The following SKI variants were observed in gnomAD, a reference collection of about 807,000 sequenced individuals.
SKI encodes the protein SKI proto-oncogene.
Under a neutral mutation model 59.3 loss-of-function variants are expected in SKI, and 23 were observed. The observed-to-expected ratio is 0.39, with a 90% CI of 0.28 to 0.55. The LOEUF is 0.55. SKI is among the 20% of genes least tolerant of loss of function. The probability of loss-of-function intolerance (pLI) is 0.67; values close to 1 mark genes in which losing one functional copy is unlikely to be tolerated. For synonymous variants in SKI, 673 were observed against 488.6 expected (o/e 1.38, Z -4.98); for missense variants, 1,017 against 1,038.9 (o/e 0.98, Z 0.29).
At position 2,267,507 on chromosome 1, in the gene SKI, C is replaced by T. The variant is rs541867538; in HGVS notation, c.970-35471C>T. ...CAATATCCCATTCGTTCCAGAGCCTCCTTTCAGGGTGGAAGGGGTGGTGGA... is the reference window on the plus strand; with the variant it reads ...CAATATCCCATTCGTTCCAGAGCCTTCTTTCAGGGTGGAAGGGGTGGTGGA... On this transcript the variant is annotated intron_variant, in intron 1 of 6. Coordinates refer to ENST00000378536, the MANE Select transcript of SKI (RefSeq NM_003036.4). The surrounding 1 kb of genome is among the most constrained non-coding windows in gnomAD (Gnocchi z 4.1). Among the ~76,000 whole-genome samples, 6 of 152,298 alleles carry T rather than the reference C, an allele frequency of 3.9e-5. No individual in the cohort carries two copies. Among genetic ancestry groups the T allele is most frequent in the South Asian group, 2.1e-4 (1 of 4,820 alleles).
At chr1:2,245,687 G>A (rs796374897) in intron 1 of SKI, among the ~76,000 whole-genome samples, 2 of 151,868 alleles carry the variant, frequency 1.3e-5, no homozygotes, top group East Asian at 3.9e-4. Flanking sequence ...TGTTGGCCAG[G>A]CTAATCTTGA....
intron 1 of SKI, among the ~76,000 whole-genome samples, chr1:2,253,995 A>G (rs978416721): frequency 2.0e-5 from 3 of 152,206 alleles, no homozygotes; most frequent in Non-Finnish European, 4.4e-5. Context: ...GGCTGTGTGG[A>G]CCACGGCGGC....
At chr1:2,236,015 G>T (rs946755841) in intron 1 of SKI, among the ~76,000 whole-genome samples, 1 of 152,262 alleles carries the variant, frequency 6.6e-6, no homozygotes, top group Admixed American at 6.5e-5. Flanking sequence ...TTCGGTGCTT[G>T]GTGTTCGTGT....
chr1:2,235,686 C>G (rs1638737170), intron 1 of SKI, among the ~76,000 whole-genome samples: 1 of 152,184 alleles, frequency 6.6e-6, no homozygotes, highest in African/African-American at 2.4e-5. Context: ...TGGGGACATG[C>G]TGCCACATGA....
chr1:2,301,375 G>T (rs371624073), intron 1 of SKI, among the ~76,000 whole-genome samples: 50 of 152,368 alleles, frequency 3.3e-4, no homozygotes, highest in African/African-American at 1.2e-3. Flanking sequence ...ACAGCCGTGA[G>T]CCTTCAGGGG....
chr1:2,257,715 A>G (rs1403762234), intron 1 of SKI, among the ~76,000 whole-genome samples: 3 of 151,970 alleles, frequency 2.0e-5, no homozygotes, highest in Non-Finnish European at 4.4e-5. Flanking sequence ...AAAGATTTTT[A>G]TATTTTATAT....
chr1:2,287,161 A>G (rs1640056618), intron 1 of SKI, among the ~76,000 whole-genome samples: 2 of 151,962 alleles, frequency 1.3e-5, no homozygotes, highest in African/African-American at 2.4e-5. Context: ...GCCCTGGCCC[A>G]GGGTGCACCT....
chr1:2,289,267 G>C (rs1406128069), intron 1 of SKI, among the ~76,000 whole-genome samples: 2 of 152,192 alleles, frequency 1.3e-5, no homozygotes. Flanking sequence ...CTCTCTGTCA[G>C]GACTTGACAC....
chr1:2,290,335 G>A (rs1191977748), intron 1 of SKI, among the ~76,000 whole-genome samples: 1 of 152,196 alleles, frequency 6.6e-6, no homozygotes, highest in South Asian at 2.1e-4. Flanking sequence ...CAGTGTGGAT[G>A]TGAGCTGATT....
chr1:2,275,284 T>C (rs982787377), intron 1 of SKI, among the ~76,000 whole-genome samples: 2 of 152,198 alleles, frequency 1.3e-5, no homozygotes, highest in Non-Finnish European at 2.9e-5. Flanking sequence ...CCACGGCGGC[T>C]CCTTTCTGTT....
intron 1 of SKI, among the ~76,000 whole-genome samples, chr1:2,232,054 C>T (rs1638650737): frequency 6.6e-6 from 1 of 152,252 alleles, no homozygotes; most frequent in South Asian, 2.1e-4. Context: ...AGTGCCCAGA[C>T]CCTACTTGTC....
chr1:2,264,818 C>T (rs1639465457), intron 1 of SKI, among the ~76,000 whole-genome samples: 1 of 151,330 alleles, frequency 6.6e-6, no homozygotes, highest in Non-Finnish European at 1.5e-5. Context: ...TCTTTCTTTC[C>T]TTTGTTTTTT....
chr1:2,288,965 G>A lies in SKI; in HGVS notation c.970-14013G>A, dbSNP rs138639979. Among the ~76,000 whole-genome samples, 420 of 152,318 alleles carry A rather than the reference G, an allele frequency of 2.8e-3. 2 individuals are homozygous for A. The highest frequency in any genetic ancestry group is 0.017 in the Middle Eastern group (5 of 294). On this transcript the variant is annotated intron_variant, in intron 1 of 6. Transcript: ENST00000378536. ...CCCTCCAGGTGACGGGAGCTGCCTC[G>A]CTCTTCCTGCAGGTCCCCGGTGCCG...
At chr1:2,240,698 AGG>A in intron 1 of SKI, 2 of 985,474 alleles carry the variant, frequency 2.0e-6, no homozygotes, top group Non-Finnish European at 2.4e-6. Flanking sequence ...CGGAGGATGG[AGG>A]ACAGTTCTAG....
At chr1:2,264,892 A>C (rs531168270) in intron 1 of SKI, among the ~76,000 whole-genome samples, 1 of 151,326 alleles carries the variant, frequency 6.6e-6, no homozygotes, top group African/African-American at 2.4e-5. Context: ...GCTCACTGCA[A>C]CCTCTGCCTC....
In SKI at chr1:2,229,658, G is replaced by T. The variant is rs769113221; in HGVS notation, c.892G>T (p.Ala298Ser). Residue 298 changes from alanine (A) to serine (S), a missense_variant, in exon 1 of 7, where the codon GCG (alanine) becomes TCG (serine). Ala to Ser is a moderately conservative substitution (Grantham distance 99, BLOSUM62 1). Transcript: ENST00000378536. The surrounding 1 kb of genome is among the most constrained non-coding windows in gnomAD (Gnocchi z 6.3). ...SQDYTGKEEQ[A>S]RLGRCLDDVK... ...GGATTACACGGGCAAGGAGGAGCAG[G>T]CGCGCCTCGGCCGCTGCCTGGACGA... 28 of 1,611,002 alleles carry T rather than the reference G, an allele frequency of 1.7e-5. No individual in the cohort carries two copies. Among genetic ancestry groups the T allele is most frequent in the Non-Finnish European group, 2.3e-5 (27 of 1,179,274 alleles).
At chr1:2,293,117 G>A (rs367797431) in intron 1 of SKI, among the ~76,000 whole-genome samples, 2 of 152,230 alleles carry the variant, frequency 1.3e-5, no homozygotes, top group Non-Finnish European at 2.9e-5. Context: ...CCACAAGGAC[G>A]GAGGCTCAGT....
rs1422240936 is a variant in SKI, at chr1:2,267,267, G to A, written c.970-35711G>A. ...CGACGATAGCAGTTGTGGGCCAGCC[G>A]TCAGGAAAGGGGGGACTAGCACGTA... On this transcript the variant is annotated intron_variant, in intron 1 of 6. Transcript: ENST00000378536. This position sits in a 1 kb window ranked among gnomAD's most constrained non-coding sequence, Gnocchi z 4.1. Among the ~76,000 whole-genome samples, 5 of 152,152 alleles carry A rather than the reference G, an allele frequency of 3.3e-5. No individual in the cohort carries two copies. Among genetic ancestry groups the A allele is most frequent in the Non-Finnish European group, 7.3e-5 (5 of 68,040 alleles).
chr1:2,243,566 T>C (rs1176816228), intron 1 of SKI, among the ~76,000 whole-genome samples: 1 of 152,206 alleles, frequency 6.6e-6, no homozygotes, highest in East Asian at 1.9e-4. Flanking sequence ...GAGTGCTTGC[T>C]GTTGGGTAGG....
Sources: gnomAD v4.1 joint callset for allele counts (sites outside exome capture counted in the v4.1 genomes callset) on GRCh38, gnomAD v4.1.1 for gene constraint, Gnocchi (gnomAD v3.1) non-coding constraint, MANE v1.5 for transcripts, NCBI Gene and HGNC (gene_info 2026-07-23, HGNC 2026-07-21) for gene names.